ZNF208: variants seen among roughly 807,000 people sequenced by gnomAD.
ZNF208 encodes zinc finger protein 95.
A neutral mutation model predicts 12.1 loss-of-function variants in ZNF208; 10 were observed. The observed-to-expected ratio is 0.83, with a 90% confidence interval of 0.51 to 1.40. The LOEUF is 1.40. Among genes scored for constraint, ZNF208 ranks in the 40% most tolerant of loss-of-function variants. ZNF208 has a pLI of 0.00. For synonymous variants in ZNF208, 497 were observed against 488.4 expected (o/e 1.02, Z -0.23); for missense variants, 1,652 against 1,485.0 (o/e 1.11, Z -1.85).
At position 21,972,789 on chromosome 19, in the gene ZNF208, A is replaced by C. The variant is rs775313693; in HGVS notation, c.2245T>G (p.Tyr749Asp). 1.9e-5 allele frequency: 30 copies of C among 1,611,880 alleles called. No homozygotes were observed. The highest frequency in any genetic ancestry group is 5.0e-5 in the Admixed American group (3 of 59,882). ...GCTTTGCCACATTCTTCACATTTGTAGGGTTTCTCTCCAGTATGAATTACC... is the reference window on the plus strand; with the variant it reads ...GCTTTGCCACATTCTTCACATTTGTCGGGTTTCTCTCCAGTATGAATTACC... ...HKVIHTGEKP[Y>D]KCEECGKAYK... Residue 749 changes from tyrosine (Y) to aspartate (D), a missense_variant, in exon 4 of 4, where the codon TAC (tyrosine) becomes GAC (aspartate). Tyr to Asp is a radical substitution (Grantham distance 160). This residue lies in a region of ZNF208 where 1,239 missense variants were observed against 1,086.2 expected (regional missense o/e 1.14). Transcript: ENST00000397126.
chr19:21,953,930 A>C (rs1338895222), intron 4 of ZNF208, among the ~76,000 whole-genome samples: 2 of 152,112 alleles, frequency 1.3e-5, no homozygotes, highest in East Asian at 3.9e-4. Flanking sequence ...TGATTGTAGC[A>C]TGTCAATTTT....
At position 21,971,176 on chromosome 19, in the gene ZNF208, A is replaced by C; in HGVS notation, c.*15T>G. 1 of 1,612,294 alleles carries C rather than the reference A, an allele frequency of 6.2e-7. No individual in the cohort carries two copies. Among genetic ancestry groups the C allele is most frequent in the Admixed American group, 1.7e-5 (1 of 59,740 alleles). ...TTGAGGGCCACTTATAGGCTTTGCC[A>C]CATTCTTCACATTTCTAGAGTTTCT... On this transcript the variant is annotated 3_prime_UTR_variant, in exon 4 of 4. Transcript: ENST00000397126.
chr19:22,001,286 A>AAAAC (rs138857791), intron 1 of ZNF208, among the ~76,000 whole-genome samples: 3 of 150,922 alleles, frequency 2.0e-5, no homozygotes, highest in Non-Finnish European at 4.4e-5. Flanking sequence ...ACTCCATCTC[A>AAAAC]AAACAAACAA....
chr19:21,954,119 T>C (rs1454020324), intron 4 of ZNF208, among the ~76,000 whole-genome samples: 2 of 152,248 alleles, frequency 1.3e-5, no homozygotes, highest in Non-Finnish European at 2.9e-5. Flanking sequence ...GAGCAGCTTG[T>C]TCAGTTTCCA....
intron 1 of ZNF208, among the ~76,000 whole-genome samples, chr19:21,990,933 T>C (rs905156555): frequency 1.3e-5 from 2 of 152,200 alleles, no homozygotes; most frequent in Non-Finnish European, 2.9e-5. Context: ...TAAGAATGCT[T>C]GTGATTTTTG....
intron 3 of ZNF208, among the ~76,000 whole-genome samples, chr19:21,983,580 T>C (rs997887709): frequency 3.9e-5 from 6 of 152,058 alleles, no homozygotes; most frequent in African/African-American, 1.4e-4. Flanking sequence ...CTATTCACAA[T>C]AGCAAAGACT....
In ZNF208 at chr19:21,974,532, T is replaced by G; in HGVS notation, c.502A>C (p.Thr168Pro). The G allele has an allele frequency of 4.3e-6, 7 of 1,613,722 alleles. No homozygotes were observed. Among genetic ancestry groups the G allele is most frequent in the Non-Finnish European group, 5.1e-6 (6 of 1,179,730 alleles). The change falls in exon 4 of 4, where the codon ACT (threonine) becomes CCT (proline). Residue 168 changes from threonine to proline, a missense_variant. By Grantham distance (38) the Thr-to-Pro change is conservative. This residue lies in a region of ZNF208 where 410 missense variants were observed against 378.2 expected (regional missense o/e 1.08). Transcript: ENST00000397126. ...TTACATTGCAAATGTTTCTTTCCAGTATGCCTTATCTTATGTCTGTTTGAA... is the reference window on the plus strand; with the variant it reads ...TTACATTGCAAATGTTTCTTTCCAGGATGCCTTATCTTATGTCTGTTTGAA... ...SNSNRHKIRH[T>P]GKKHLQCKEY...
rs1374665528 is a variant in ZNF208 at position 21,973,623 on chromosome 19, G to A, written c.1411C>T (p.His471Tyr). The A allele has an allele frequency of 1.2e-6, 2 of 1,612,742 alleles. No homozygotes were observed. The highest frequency in any genetic ancestry group is 1.7e-6 in the Non-Finnish European group (2 of 1,179,732). ...TTCTCTCCATTATGAATTACCTTAT[G>A]TTTAGTAAGGATTGAGAACATACTA... Reference protein sequence around the residue: ...GFSMFSILTKHKVIHNGEKPY... With the variant: ...GFSMFSILTKYKVIHNGEKPY... Residue 471 changes from histidine to tyrosine, a missense_variant, in exon 4 of 4, where the codon CAT becomes TAT. His to Tyr is a moderately conservative substitution (Grantham distance 83). Coordinates refer to ENST00000397126, the MANE Select transcript of ZNF208 (RefSeq NM_007153.3).
intron 1 of ZNF208, among the ~76,000 whole-genome samples, chr19:22,007,131 T>C (rs971233106): frequency 2.6e-5 from 4 of 152,306 alleles, no homozygotes; most frequent in Non-Finnish European, 2.9e-5. Context: ...TAATTCTCTA[T>C]AGCCAAAATG....
intron 3 of ZNF208, among the ~76,000 whole-genome samples, chr19:21,984,106 C>A (rs1599622689): frequency 6.6e-6 from 1 of 151,984 alleles, no homozygotes; most frequent in South Asian, 2.1e-4. Flanking sequence ...GGATACACAC[C>A]CTTCTGAATA....
chr19:21,972,497 G>A lies in ZNF208; in HGVS notation c.2537C>T (p.Ser846Leu), dbSNP rs766660239. The A allele has an allele frequency of 3.3e-5, 54 of 1,612,900 alleles. No individual in the cohort carries two copies. The highest frequency in any genetic ancestry group is 1.8e-4 in the Admixed American group (11 of 59,840). ...AATTACCTTATGTTTAGTAAGGATT[G>A]AGAACTTACTAAAGGCTTTGCCACA... is the stretch of plus-strand genomic sequence containing the variant. ...KECGKAFSKF[S>L]ILTKHKVIHT... Residue 846 changes from serine (S) to leucine (L), a missense_variant, in exon 4 of 4, where the codon TCA (serine) becomes TTA (leucine). Transcript: ENST00000397126.
In ZNF208 at chr19:21,971,581, C is replaced by G. The variant is rs879197552; in HGVS notation, c.3453G>C (p.Lys1151Asn). The change falls in exon 4 of 4, where the codon AAG becomes AAC. Residue 1151 changes from lysine (K) to asparagine (N), a missense_variant. This residue lies in a region of ZNF208 where 1,239 missense variants were observed against 1,086.2 expected (regional missense o/e 1.14). Transcript: ENST00000397126. ...YKCEECGKAY[K>N]WSSTLSYHKK... The stretch of plus-strand genomic sequence containing the variant: ...TATGATAACTAAGGGTTGAGGACCA[C>G]TTATAGGCTTTGCCACATTCTTCAC... 6.2e-7 allele frequency: 1 copy of G among 1,604,782 alleles called. No individual in the cohort carries two copies. Among genetic ancestry groups the G allele is most frequent in the Non-Finnish European group, 8.5e-7 (1 of 1,178,052 alleles).
intron 1 of ZNF208, chr19:21,998,821 TCTGAC>T (rs1970887591): frequency 6.6e-6 from 1 of 152,228 alleles, no homozygotes; most frequent in Non-Finnish European, 1.5e-5. Context: ...TTGGAATATA[TCTGAC>T]AACTTCCACC....
intron 1 of ZNF208, chr19:21,998,842 T>C (rs1970888072): frequency 6.6e-6 from 1 of 152,224 alleles, no homozygotes; most frequent in Non-Finnish European, 1.5e-5. Flanking sequence ...CCACCAGCAC[T>C]TTTTTATAAA....
intron 3 of ZNF208, chr19:21,987,014 G>T: frequency 1.9e-6 from 1 of 528,616 alleles, no homozygotes; most frequent in Non-Finnish European, 3.2e-6. Flanking sequence ...GATTACTGAA[G>T]GGAAAGAAGA....
chr19:21,965,991 A>G (rs942123375), downstream of ZNF208: 3 of 152,026 alleles, frequency 2.0e-5, no homozygotes, highest in Non-Finnish European at 4.4e-5. Context: ...ATGTGAGGAG[A>G]CCTGGTATAG....
downstream of ZNF208, chr19:21,966,026 G>A (rs890381876): frequency 2.0e-5 from 3 of 151,844 alleles, no homozygotes; most frequent in Admixed American, 1.3e-4. Context: ...ATGCCTTAAG[G>A]GGTGAAAAAT....
chr19:21,989,893 G>T (rs1970700156), intron 1 of ZNF208, among the ~76,000 whole-genome samples: 1 of 152,178 alleles, frequency 6.6e-6, no homozygotes, highest in African/African-American at 2.4e-5. Context: ...TTGGAGAAGT[G>T]TCTGTTCATA....
intron 4 of ZNF208, among the ~76,000 whole-genome samples, chr19:21,950,598 A>G (rs940582940): frequency 2.0e-5 from 3 of 151,868 alleles, no homozygotes; most frequent in Non-Finnish European, 4.4e-5. Flanking sequence ...GGTTCAAGCA[A>G]TTCTCCTGCC....
Sources: gnomAD v4.1 joint callset for allele counts (sites outside exome capture counted in the v4.1 genomes callset) on GRCh38, gnomAD v4.1.1 for gene constraint, gnomAD v4.1.1 regional missense constraint, MANE v1.5 for transcripts, NCBI Gene and HGNC (gene_info 2026-07-23, HGNC 2026-07-21) for gene names.